The following PCDHGA3 variants were observed in gnomAD, a reference collection of about 807,000 sequenced individuals.
PCDHGA3 encodes protocadherin gamma-A3.
Under a neutral mutation model 58.5 loss-of-function variants are expected in PCDHGA3, and 40 were observed. That is an observed-to-expected ratio of 0.68 (90% confidence interval 0.53 to 0.89). The LOEUF (loss-of-function observed/expected upper bound fraction) is 0.89, where lower values mean the gene tolerates loss of function less well. Among genes scored for constraint, PCDHGA3 ranks in the 40% least tolerant of loss-of-function variants. The pLI, the probability that PCDHGA3 is intolerant of heterozygous loss-of-function variation, is 0.00. For missense variants in PCDHGA3, 1,223 were observed against 1,195.9 expected (o/e 1.02, Z -0.33); for synonymous variants, 530 against 525.7 (o/e 1.01, Z -0.11).
chr5:141,398,576 C>T (rs1257000620), intron 1 of PCDHGA3: 4 of 1,613,968 alleles, frequency 2.5e-6, no homozygotes, highest in Non-Finnish European at 1.7e-6. Flanking sequence ...CAGCCTGGCA[C>T]AAGATTTATA....
chr5:141,481,288 A>AGTC (rs2099535099), intron 1 of PCDHGA3, among the ~76,000 whole-genome samples: 1 of 152,188 alleles, frequency 6.6e-6, no homozygotes, highest in Admixed American at 6.5e-5. Flanking sequence ...ATGGTATTTC[A>AGTC]GTCATCTAAG....
intron 1 of PCDHGA3, chr5:141,409,130 G>C (rs1265386524): frequency 2.5e-6 from 4 of 1,613,994 alleles, no homozygotes; most frequent in Non-Finnish European, 3.4e-6. Flanking sequence ...ATTTGATTTT[G>C]AAGATGTAGA....
At chr5:141,388,034 C>T in intron 1 of PCDHGA3, 2 of 1,423,576 alleles carry the variant, frequency 1.4e-6, no homozygotes, top group Non-Finnish European at 1.9e-6. Flanking sequence ...TGGGGAACCT[C>T]GCCACGGACC....
intron 1 of PCDHGA3, chr5:141,440,169 C>A (rs891186588): frequency 1.3e-5 from 2 of 152,218 alleles, no homozygotes; most frequent in Non-Finnish European, 2.9e-5. Flanking sequence ...TGGGCCATAA[C>A]GCTTTGAAAT....
At chr5:141,418,489 G>C (rs774653264) in intron 1 of PCDHGA3, 26 of 1,613,874 alleles carry the variant, frequency 1.6e-5, no homozygotes, top group Admixed American at 1.5e-4. Context: ...CTCACCACTT[G>C]GTACTGACCG....
At chr5:141,448,786 A>G (rs1354591718) in intron 1 of PCDHGA3, among the ~76,000 whole-genome samples, 1 of 148,848 alleles carries the variant, frequency 6.7e-6, no homozygotes, top group African/African-American at 2.5e-5. Context: ...TAAAAATACA[A>G]AAAAAAAAAT....
chr5:141,431,476 A>G lies in PCDHGA3; in HGVS notation c.2425-63331A>G, dbSNP rs975772031. 1.9e-6 allele frequency: 3 copies of G among 1,613,864 alleles called. No homozygotes were observed. Among genetic ancestry groups the G allele is most frequent in the Admixed American group, 3.3e-5 (2 of 60,032 alleles). ...TGGTTCTGGATGCGAACGACAACGC[A>G]CCAGCGTTTGCTCAGCCCGAGTACC... On this transcript the variant is annotated intron_variant, in intron 1 of 3. Coordinates refer to ENST00000253812, the MANE Select transcript of PCDHGA3 (RefSeq NM_018916.4). This position sits in a 1 kb window ranked among gnomAD's most constrained non-coding sequence, Gnocchi z 4.8.
At chr5:141,447,244 A>G (rs1475037979) in intron 1 of PCDHGA3, among the ~76,000 whole-genome samples, 1 of 152,062 alleles carries the variant, frequency 6.6e-6, no homozygotes, top group South Asian at 2.1e-4. Flanking sequence ...GGTTCAAGTG[A>G]TTCTTCTGTC....
In PCDHGA3 at chr5:141,351,775, G is replaced by T. The variant is rs757269142; in HGVS notation, c.2424+5318G>T. 9.3e-6 allele frequency: 15 copies of T among 1,613,356 alleles called. No homozygotes were observed. In the South Asian group the frequency reaches 1.3e-4, roughly 14 times the overall value. On this transcript the variant is annotated intron_variant, in intron 1 of 3. Transcript: ENST00000253812. Reference sequence around the variant, plus strand: ...TGTTGTCCTACGTGTCCGTGAGCCCGCAGAGCGGGGTGGTGTTCGCGCAGC... The same window carrying T: ...TGTTGTCCTACGTGTCCGTGAGCCCTCAGAGCGGGGTGGTGTTCGCGCAGC...
Position 141,427,760 on chromosome 5 carries a change from T to C in PCDHGA3, c.2425-67047T>C, listed in dbSNP as rs1464459008. On this transcript the variant is annotated intron_variant, in intron 1 of 3. Coordinates refer to ENST00000253812, the MANE Select transcript of PCDHGA3 (RefSeq NM_018916.4). The stretch of plus-strand genomic sequence containing the variant: ...AAGTCTCCTACTCCATCGTTACCAC[T>C]GACTTGGAGCTGCGGGCACTGTCGT... The C allele has an allele frequency of 4.4e-6, 6 of 1,360,822 alleles. No individual in the cohort carries two copies. The Admixed American group carries it at 5.1e-5, about 12-fold the overall frequency. 84.3% of individuals were successfully genotyped at this position (1,360,822 alleles called of 1,614,324 possible).
intron 1 of PCDHGA3, among the ~76,000 whole-genome samples, chr5:141,452,760 G>A (rs920853226): frequency 3.3e-5 from 5 of 152,120 alleles, no homozygotes; most frequent in Non-Finnish European, 7.4e-5. Context: ...AAGGAAGGGA[G>A]GGAGGGAAAA....
intron 1 of PCDHGA3, chr5:141,383,026 T>A (rs767610901): frequency 6.2e-7 from 1 of 1,613,590 alleles, no homozygotes; most frequent in Non-Finnish European, 8.5e-7. Context: ...GGACAAAGGG[T>A]CCTTTGTGGG....
intron 1 of PCDHGA3, among the ~76,000 whole-genome samples, chr5:141,444,150 GGATT>G (rs2098419499): frequency 1.8e-5 from 2 of 114,014 alleles, no homozygotes; most frequent in Non-Finnish European, 1.7e-5. Flanking sequence ...TGTGTGTACT[GGATT>G]TTTTTTTTTT....
In PCDHGA3 at chr5:141,431,955, GA is replaced by G; in HGVS notation, c.2425-62849del. ...CCCTTTAAATTAGAAAAATCTTACG[GA>G]AATTACTATAGTTTAGTCACAGACA... On this transcript the variant is annotated intron_variant, in intron 1 of 3. Coordinates refer to ENST00000253812, the MANE Select transcript of PCDHGA3 (RefSeq NM_018916.4). The surrounding 1 kb of genome is among the most constrained non-coding windows in gnomAD (Gnocchi z 4.8). The G allele has an allele frequency of 6.2e-7, 1 of 1,614,142 alleles. No homozygotes were observed. Among genetic ancestry groups the G allele is most frequent in the Non-Finnish European group, 8.5e-7 (1 of 1,180,024 alleles).
intron 1 of PCDHGA3, chr5:141,428,251 T>C (rs761574102): frequency 1.1e-5 from 10 of 893,496 alleles, no homozygotes; most frequent in Middle Eastern, 2.1e-4. Flanking sequence ...ACTGCCAGAC[T>C]TCAGTGACAG....
chr5:141,372,334 G>A (rs757971401), intron 1 of PCDHGA3: 3 of 1,613,766 alleles, frequency 1.9e-6, no homozygotes, highest in Admixed American at 1.7e-5. Context: ...GTCACTGTGC[G>A]TGATGGAGGA....
chr5:141,433,223 T>C lies in PCDHGA3; in HGVS notation c.2425-61584T>C, dbSNP rs2097577369. On this transcript the variant is annotated intron_variant, in intron 1 of 3. Coordinates refer to ENST00000253812, the MANE Select transcript of PCDHGA3 (RefSeq NM_018916.4). The stretch of plus-strand genomic sequence containing the variant: ...AATCTTCTTTCTTTTTTTTTTTTAA[T>C]TGCTCTGTCTCCCAAGCTGGAATGC... The C allele has an allele frequency of 4.6e-6, 7 of 1,525,952 alleles. No individual in the cohort carries two copies. In the East Asian group the frequency reaches 1.6e-4, roughly 34 times the overall value. The allele number at this position is 1,525,952 out of a possible 1,614,324, so 94.5% of individuals were successfully genotyped here. A position where few individuals can be genotyped will look rare whatever the true frequency, so the allele number is the denominator to read the frequency against.
At chr5:141,350,929 C>T (rs1758594998) in intron 1 of PCDHGA3, 1 of 1,614,092 alleles carries the variant, frequency 6.2e-7, no homozygotes, top group Non-Finnish European at 8.5e-7. Context: ...GCGGCACCAC[C>T]CATATCTGGA....
intron 1 of PCDHGA3, among the ~76,000 whole-genome samples, chr5:141,347,552 T>C (rs13357694): frequency 0.14 from 21,462 of 152,044 alleles, 2,076 homozygotes; most frequent in African/African-American, 0.28. Flanking sequence ...TTTGGGAGGC[T>C]GAGGCAGGTG....
Sources: gnomAD v4.1 joint callset for allele counts (sites outside exome capture counted in the v4.1 genomes callset) on GRCh38, gnomAD v4.1.1 for gene constraint, Gnocchi (gnomAD v3.1) non-coding constraint, MANE v1.5 for transcripts, NCBI Gene and HGNC (gene_info 2026-07-23, HGNC 2026-07-21) for gene names.